The following GATB variants were observed in gnomAD, a reference collection of about 807,000 sequenced individuals.
The protein encoded by GATB is glutamyl-tRNA amidotransferase subunit B.
A neutral mutation model predicts 62.3 loss-of-function variants in GATB; 39 were observed. The observed-to-expected ratio is 0.63, with a 90% CI of 0.48 to 0.82. The LOEUF is 0.82. Ranked by LOEUF, GATB falls within the 40% of genes least tolerant of loss-of-function variation. GATB has a pLI of 0.00. For missense variants in GATB, 670 were observed against 684.0 expected, an observed-to-expected ratio of 0.98 and a Z score of 0.23; for synonymous variants, 276 against 258.9, an observed-to-expected ratio of 1.07 and a Z score of -0.63.
chr4:151,725,596 C>T (rs986315045), intron 2 of GATB, among the ~76,000 whole-genome samples: 2 of 152,220 alleles, frequency 1.3e-5, no homozygotes, highest in Non-Finnish European at 2.9e-5. Context: ...GATAACTCAT[C>T]TGGATTGAAC....
In GATB at chr4:151,717,056, G is replaced by C. The variant is rs1738928647; in HGVS notation, c.460C>G (p.Gln154Glu). ...ADLPAGYQIT[Q>E]QRLPIAVNGS... is the part of the protein sequence containing the mutation. ...TTCACAGCAATTGGGAGCCTCTGCT[G>C]GGTAATTTGGTAGCCTGCCTGCACA... Residue 154 changes from glutamine (Q) to glutamate (E), a missense_variant, in exon 4 of 13, where the codon CAG (glutamine) becomes GAG (glutamate). Gln to Glu is a conservative substitution (Grantham distance 29). Transcript: ENST00000263985. The C allele has an allele frequency of 6.2e-7, 1 of 1,613,996 alleles. No homozygotes were observed. Among genetic ancestry groups the C allele is most frequent in the African/African-American group, 1.3e-5 (1 of 74,906 alleles).
chr4:151,711,956 T>G (rs1162922719), intron 5 of GATB, among the ~76,000 whole-genome samples: 1 of 152,208 alleles, frequency 6.6e-6, no homozygotes, highest in Non-Finnish European at 1.5e-5. Context: ...AAAGGCCCAT[T>G]AAGCTCAAAG....
chr4:151,702,241 T>C (rs988226932), intron 8 of GATB, among the ~76,000 whole-genome samples: 2 of 152,162 alleles, frequency 1.3e-5, no homozygotes, highest in Admixed American at 1.3e-4. Context: ...TCAACATTTC[T>C]ACTATTTTTA....
At chr4:151,740,978 G>T (rs1042192287) in intron 2 of GATB, among the ~76,000 whole-genome samples, 1 of 151,962 alleles carries the variant, frequency 6.6e-6, no homozygotes, top group African/African-American at 2.4e-5. Flanking sequence ...GTACTCTCAG[G>T]CATCTTTGGT....
intron 2 of GATB, among the ~76,000 whole-genome samples, chr4:151,739,488 T>C (rs766600599): frequency 6.6e-6 from 1 of 152,036 alleles, no homozygotes; most frequent in Non-Finnish European, 1.5e-5. Context: ...GCGTAGAAAA[T>C]AGCCAACTCT....
At chr4:151,709,135 T>C (rs1359036004) in intron 5 of GATB, among the ~76,000 whole-genome samples, 1 of 152,188 alleles carries the variant, frequency 6.6e-6, no homozygotes, top group East Asian at 1.9e-4. Flanking sequence ...TTCCCAAGAT[T>C]CCAAAGCAAA....
chr4:151,750,708 C>T (rs1009380410), intron 2 of GATB, among the ~76,000 whole-genome samples: 11 of 151,240 alleles, frequency 7.3e-5, no homozygotes, highest in Admixed American at 5.9e-4. Context: ...ACTGGAGTGC[C>T]GTGGTACACC....
Position 151,735,171 on chromosome 4 carries a change from C to A in GATB, c.328-15633G>T, listed in dbSNP as rs146503486. On this transcript the variant is annotated intron_variant, in intron 2 of 12. Coordinates refer to ENST00000263985, the MANE Select transcript of GATB (RefSeq NM_004564.3). ...CCCACAAAGTGGGAGAAAATCTTCA[C>A]AATCTATACATCTGACAAAGGACTA... 3.5e-3 allele frequency among the ~76,000 whole-genome samples: 518 copies of A among 149,560 alleles called. 1 individual carries two copies. Among genetic ancestry groups the A allele is most frequent in the African/African-American group, 0.012 (506 of 40,490 alleles).
intron 2 of GATB, among the ~76,000 whole-genome samples, chr4:151,748,207 T>A (rs1739641828): frequency 1.3e-5 from 2 of 151,866 alleles, no homozygotes; most frequent in African/African-American, 4.8e-5. Flanking sequence ...CATTGCCAAG[T>A]CAATCCTAAG....
At chr4:151,714,284 C>T (rs866073813) in intron 5 of GATB, among the ~76,000 whole-genome samples, 4 of 152,320 alleles carry the variant, frequency 2.6e-5, no homozygotes, top group Middle Eastern at 3.4e-3. Context: ...TTCAGTGTCA[C>T]CTCTTCAGGG....
intron 9 of GATB, among the ~76,000 whole-genome samples, chr4:151,693,500 C>G (rs559802688): frequency 6.9e-6 from 1 of 144,660 alleles, no homozygotes; most frequent in East Asian, 2.0e-4. Flanking sequence ...ACAGGAAACA[C>G]GACCCCCCCC....
intron 7 of GATB, 64 bp downstream of exon 7, chr4:151,705,121 G>T: frequency 9.0e-7 from 1 of 1,108,144 alleles, no homozygotes; most frequent in Non-Finnish European, 1.4e-6. Flanking sequence ...CTGGTCAGTG[G>T]CTGAGCCCAG....
At chr4:151,682,062 C>T (rs888986476) in intron 10 of GATB, among the ~76,000 whole-genome samples, 4 of 152,158 alleles carry the variant, frequency 2.6e-5, no homozygotes, top group Admixed American at 2.0e-4. Flanking sequence ...AGAAAAGGAA[C>T]ACAAAATAAC....
intron 10 of GATB, among the ~76,000 whole-genome samples, chr4:151,686,652 G>GCCCCCCCCCCCCCCCCCC (rs374250502): frequency 2.8e-5 from 2 of 70,922 alleles, no homozygotes; most frequent in African/African-American, 6.3e-5. Context: ...TCCCCGCCCC[G>GCCCCCCCCCCCCCCCCCC]CCCCCCCCCC....
In GATB at chr4:151,731,876, C is replaced by G. The variant is rs1213927648; in HGVS notation, c.328-12338G>C. ...CTGAGAAGTGAGGAGCCCCTCCGCC[C>G]GGCAGCCACCCAGCAGCCGCCCCAT... is the stretch of plus-strand genomic sequence containing the variant. On this transcript the variant is annotated intron_variant, in intron 2 of 12. Transcript: ENST00000263985. 2.7e-5 allele frequency among the ~76,000 whole-genome samples: 4 copies of G among 150,534 alleles called. No homozygotes were observed. In the South Asian group the frequency reaches 8.5e-4, roughly 32 times the overall value.
intron 11 of GATB, 98 bp from the exon 12 acceptor site, chr4:151,672,994 G>A: frequency 2.8e-6 from 4 of 1,448,450 alleles, no homozygotes; most frequent in East Asian, 2.3e-5. Flanking sequence ...GGGTGGGAAT[G>A]AGCAGATTCA....
At chr4:151,716,253 T>A in intron 4 of GATB, 122 bp from the exon 5 acceptor site, 8 of 812,432 alleles carry the variant, frequency 9.8e-6, no homozygotes, top group Non-Finnish European at 1.4e-5. Context: ...TTCTAGCCTC[T>A]CAATCATTTC....
At position 151,730,562 on chromosome 4, in the gene GATB, C is replaced by T. The variant is rs1178260602; in HGVS notation, c.328-11024G>A. 1.3e-5 allele frequency among the ~76,000 whole-genome samples: 2 copies of T among 152,240 alleles called. No individual in the cohort carries two copies. The highest frequency in any genetic ancestry group is 2.9e-5 in the Non-Finnish European group (2 of 68,042). On this transcript the variant is annotated intron_variant, in intron 2 of 12. Transcript: ENST00000263985. The surrounding 1 kb of genome is among the most constrained non-coding windows in gnomAD (Gnocchi z 4.1). ...TCACCAGAACAGGCGCTGGTATTCA[C>T]GGCTGAGAGACCAATGGATGGTTCA...
intron 10 of GATB, among the ~76,000 whole-genome samples, chr4:151,683,384 T>C (rs1471306899): frequency 1.3e-5 from 2 of 152,192 alleles, no homozygotes; most frequent in Non-Finnish European, 2.9e-5. Flanking sequence ...AAGCTCCTTG[T>C]GAAACCTCCT....
Sources: gnomAD v4.1 joint callset for allele counts (sites outside exome capture counted in the v4.1 genomes callset) on GRCh38, gnomAD v4.1.1 for gene constraint, Gnocchi (gnomAD v3.1) non-coding constraint, MANE v1.5 for transcripts, NCBI Gene and HGNC (gene_info 2026-07-23, HGNC 2026-07-21) for gene names.